The following EYS variants were observed in gnomAD, a reference collection of about 807,000 sequenced individuals.
EYS encodes the protein EGF-like photoreceptor maintenance factor.
In EYS, 250 loss-of-function variants were observed where a neutral mutation model predicts 282.1. That is an observed-to-expected ratio of 0.89 (90% CI 0.80 to 0.98). The LOEUF (loss-of-function observed/expected upper bound fraction) is 0.98. Among genes scored for constraint, EYS ranks in the 50% least tolerant of loss-of-function variants. The pLI is 0.00. For missense variants in EYS, 4,016 were observed against 3,709.0 expected, an observed-to-expected ratio of 1.08 and a Z score of -2.15; for synonymous variants, 1,355 against 1,282.9, an observed-to-expected ratio of 1.06 and a Z score of -1.20.
chr6:65,483,156 C>A (rs558242983), intron 5 of EYS, among the ~76,000 whole-genome samples: 2 of 151,952 alleles, frequency 1.3e-5, no homozygotes, highest in East Asian at 3.9e-4. Context: ...CTTAATTTTA[C>A]TTTTATAATG....
At chr6:64,734,034 A>C (rs1163343989) in intron 22 of EYS, among the ~76,000 whole-genome samples, 1 of 152,108 alleles carries the variant, frequency 6.6e-6, no homozygotes, top group East Asian at 1.9e-4. Context: ...AAACAAACGA[A>C]ACCCTTAGAT....
chr6:65,318,847 G>A (rs1457376588), intron 11 of EYS, among the ~76,000 whole-genome samples: 1 of 149,488 alleles, frequency 6.7e-6, no homozygotes, highest in Non-Finnish European at 1.5e-5. Context: ...TCACCATGTT[G>A]GCCAGGCTGG....
At chr6:65,410,727 C>A (rs1005860862) in intron 5 of EYS, among the ~76,000 whole-genome samples, 1 of 150,718 alleles carries the variant, frequency 6.6e-6, no homozygotes, top group African/African-American at 2.4e-5. Context: ...AGTCAGTATA[C>A]CAAAGAGATA....
At chr6:64,100,570 T>C (rs576879067) in intron 31 of EYS, among the ~76,000 whole-genome samples, 2 of 152,216 alleles carry the variant, frequency 1.3e-5, no homozygotes, top group Admixed American at 1.3e-4. Flanking sequence ...TATTATGTGG[T>C]TTTTTTATTG....
At chr6:64,708,988 C>T (rs970020645) in intron 22 of EYS, among the ~76,000 whole-genome samples, 1 of 147,310 alleles carries the variant, frequency 6.8e-6, no homozygotes, top group South Asian at 2.2e-4. Context: ...ATGCATAGGG[C>T]AAAGATGATT....
chr6:64,267,423 T>A (rs1767798536), intron 30 of EYS, among the ~76,000 whole-genome samples: 1 of 152,156 alleles, frequency 6.6e-6, no homozygotes, highest in African/African-American at 2.4e-5. Context: ...CCATGTGTTC[T>A]GTCTGCTGTG....
At chr6:64,040,602 G>A (rs756711930) in intron 33 of EYS, among the ~76,000 whole-genome samples, 1 of 152,142 alleles carries the variant, frequency 6.6e-6, no homozygotes, top group African/African-American at 2.4e-5. Context: ...AAGATAAAAA[G>A]TATTAGTTTA....
At chr6:64,294,559 C>G (rs1768835400) in intron 30 of EYS, among the ~76,000 whole-genome samples, 1 of 152,122 alleles carries the variant, frequency 6.6e-6, no homozygotes, top group South Asian at 2.1e-4. Context: ...ACCATCTGTC[C>G]AGATGAGCCT....
intron 9 of EYS, among the ~76,000 whole-genome samples, chr6:65,352,013 T>G (rs1764296707): frequency 6.6e-6 from 1 of 151,862 alleles, no homozygotes; most frequent in African/African-American, 2.4e-5. Flanking sequence ...TAGTAAGTAT[T>G]CATAACAGAG....
chr6:65,593,180 A>T (rs766596085), intron 2 of EYS, among the ~76,000 whole-genome samples: 1 of 152,088 alleles, frequency 6.6e-6, no homozygotes, highest in African/African-American at 2.4e-5. Context: ...ATTTCTAGAC[A>T]TAAATGTCAT....
At chr6:63,982,413 G>T (rs1767142110) in intron 35 of EYS, among the ~76,000 whole-genome samples, 1 of 151,804 alleles carries the variant, frequency 6.6e-6, no homozygotes, top group Non-Finnish European at 1.5e-5. Context: ...CCATTTTCAA[G>T]CTCATGTGGT....
intron 1 of EYS, among the ~76,000 whole-genome samples, chr6:65,692,113 T>G (rs1769264891): frequency 6.6e-6 from 1 of 150,416 alleles, no homozygotes; most frequent in South Asian, 2.1e-4. Flanking sequence ...AGAATAAAAT[T>G]ATGTCTTTTA....
chr6:65,517,382 G>A (rs1363839734), intron 2 of EYS, among the ~76,000 whole-genome samples: 6 of 149,152 alleles, frequency 4.0e-5, no homozygotes, highest in Non-Finnish European at 8.9e-5. Context: ...CAGTTTCTTT[G>A]AATAACTAAA....
chr6:65,321,492 G>C (rs932620718), intron 11 of EYS, among the ~76,000 whole-genome samples: 5 of 152,048 alleles, frequency 3.3e-5, no homozygotes, highest in Non-Finnish European at 7.4e-5. Context: ...GATGGGAACA[G>C]ACAAAATGGA....
chr6:63,999,262 ACTT>A (rs1157238470), intron 33 of EYS, 79 bp from the exon 34 acceptor site: 4 of 876,376 alleles, frequency 4.6e-6, no homozygotes, highest in Non-Finnish European at 7.5e-6. Flanking sequence ...GATAGTAAGT[ACTT>A]CTTCATTGAG....
rs1242519783 is a variant in EYS at position 63,778,671 on chromosome 6, TA to T, written c.7724-492del. ...AATTGTAATGAATATCTTATGTGTA[TA>T]TCTTTGTCCATTTAAATTATTTTTA... is the stretch of plus-strand genomic sequence containing the variant. On this transcript the variant is annotated intron_variant, in intron 39 of 42. Coordinates refer to ENST00000503581, the MANE Select transcript of EYS (RefSeq NM_001142800.2). Among the ~76,000 whole-genome samples, 3 of 152,296 alleles carry T rather than the reference TA, an allele frequency of 2.0e-5. No homozygotes were observed. In the East Asian group the frequency reaches 5.8e-4, roughly 29 times the overall value.
chr6:64,127,832 G>C (rs1004824360), intron 31 of EYS, among the ~76,000 whole-genome samples: 3 of 152,086 alleles, frequency 2.0e-5, no homozygotes, highest in Non-Finnish European at 4.4e-5. Flanking sequence ...AGAGCATGGA[G>C]GTGCTTATTT....
At chr6:64,297,757 C>T (rs1024136226) in intron 30 of EYS, among the ~76,000 whole-genome samples, 2 of 152,050 alleles carry the variant, frequency 1.3e-5, no homozygotes, top group African/African-American at 4.8e-5. Context: ...GCAGGTGTAT[C>T]ACCTGAGGTC....
chr6:64,885,371 T>C lies in EYS; in HGVS notation c.2992+1326A>G, dbSNP rs1363304064. Reference sequence around the variant, plus strand: ...ATAAAGAACATGTTAATCTTTCAAATGTTGATACATTTAAAATATCAGAGC... The same window carrying C: ...ATAAAGAACATGTTAATCTTTCAAACGTTGATACATTTAAAATATCAGAGC... On this transcript the variant is annotated intron_variant, in intron 19 of 42. Coordinates refer to ENST00000503581, the MANE Select transcript of EYS (RefSeq NM_001142800.2). Among the ~76,000 whole-genome samples the C allele has an allele frequency of 4.0e-5, 6 of 151,744 alleles. No homozygotes were observed. In the Admixed American group the frequency reaches 4.0e-4, roughly 10 times the overall value.
Sources: allele counts gnomAD v4.1 joint callset (sites outside exome capture counted in the v4.1 genomes callset), GRCh38; gene constraint gnomAD v4.1.1; transcripts MANE v1.5; gene names NCBI Gene and HGNC (gene_info 2026-07-23, HGNC 2026-07-21).